Variants in IGLL5 observed in about 807,000 individuals in gnomAD.
The protein encoded by IGLL5 is immunoglobulin lambda-like polypeptide 5.
In IGLL5, 30 loss-of-function variants were observed where a neutral mutation model predicts 20.9. That is an observed-to-expected ratio of 1.44 (90% confidence interval 1.07 to 1.95). The LOEUF is 1.95. Ranked by LOEUF, IGLL5 falls within the 30% of genes most tolerant of loss-of-function variation. The probability of loss-of-function intolerance (pLI) is 0.00; values close to 1 mark genes in which losing one functional copy is unlikely to be tolerated. For missense variants in IGLL5, 475 were observed against 270.7 expected (o/e 1.75, Z -5.30); for synonymous variants, 203 against 117.3 (o/e 1.73, Z -4.72).
At chr22:22,888,906 C>G (rs1288276797) in intron 1 of IGLL5, among the ~76,000 whole-genome samples, 2 of 151,282 alleles carry the variant, frequency 1.3e-5, no homozygotes, top group South Asian at 2.1e-4. Context: ...TCTCACAGAT[C>G]GAGGGGCACT....
intron 1 of IGLL5, among the ~76,000 whole-genome samples, chr22:22,891,211 T>C (rs1261733369): frequency 6.6e-6 from 1 of 151,066 alleles, no homozygotes; most frequent in South Asian, 2.1e-4. Flanking sequence ...TCTGGTACTT[T>C]TGGTGTATTG....
At chr22:22,888,780 A>C (rs573577562) in intron 1 of IGLL5, among the ~76,000 whole-genome samples, 2 of 151,416 alleles carry the variant, frequency 1.3e-5, no homozygotes, top group Admixed American at 6.6e-5. Flanking sequence ...GCTCAAGGAC[A>C]CAGGGAGGGT....
intron 2 of IGLL5, among the ~76,000 whole-genome samples, chr22:22,894,097 G>C (rs2067981430): frequency 3.3e-5 from 5 of 151,468 alleles, no homozygotes; most frequent in South Asian, 2.1e-4. Flanking sequence ...GTCTGAGTGA[G>C]GGACAGAGGC....
intron 2 of IGLL5, 108 bp downstream of exon 2, chr22:22,893,926 C>CTGTTG: frequency 1.2e-6 from 1 of 813,368 alleles, no homozygotes. Context: ...GCCTTAAGCA[C>CTGTTG]TGACCCTTAC....
rs1420863974 is a variant in IGLL5 at position 22,888,949 on chromosome 22, A to G, written c.206+690A>G. Among the ~76,000 whole-genome samples the G allele has an allele frequency of 2.0e-5, 3 of 151,394 alleles. No individual in the cohort carries two copies. In the Admixed American group the frequency reaches 2.0e-4, roughly 10 times the overall value. The stretch of plus-strand genomic sequence containing the variant: ...GATGGGTGCCCCCAAAAGACAGAGC[A>G]GCGTCAGAGGAGAGGAGAGCACAGG... On this transcript the variant is annotated intron_variant, in intron 1 of 2. Transcript: ENST00000526893.
At chr22:22,888,949 A>T (rs1420863974) in intron 1 of IGLL5, among the ~76,000 whole-genome samples, 1 of 151,390 alleles carries the variant, frequency 6.6e-6, no homozygotes, top group Admixed American at 6.6e-5. Flanking sequence ...AAGACAGAGC[A>T]GCGTCAGAGG....
chr22:22,887,944 T>A lies in IGLL5; in HGVS notation c.-110T>A, dbSNP rs1200101016. On this transcript the variant is annotated 5_prime_UTR_variant, in exon 1 of 3. An upstream start codon of the reference 5' UTR is lost. Transcript: ENST00000526893. The stretch of plus-strand genomic sequence containing the variant: ...CAGTCCAGGGAGAGGACAGAGCCAA[T>A]GGACTGGGGTGTACTGTAACAGCCC... The A allele has an allele frequency of 4.6e-6, 4 of 864,330 alleles. No individual in the cohort carries two copies. The highest frequency in any genetic ancestry group is 4.0e-5 in the Admixed American group (2 of 49,740). The allele number at this position is 864,330 out of a possible 1,614,324, so 53.5% of individuals were successfully genotyped here.
chr22:22,890,102 C>T (rs543384168), intron 1 of IGLL5, among the ~76,000 whole-genome samples: 1 of 149,380 alleles, frequency 6.7e-6, no homozygotes, highest in African/African-American at 2.5e-5. Context: ...ATGTGCATTA[C>T]TCTTTTTGTA....
Position 22,887,947 on chromosome 22 carries a change from A to G in IGLL5, c.-107A>G, listed in dbSNP as rs2067554406. 4 of 870,592 alleles carry G rather than the reference A, an allele frequency of 4.6e-6. No homozygotes were observed. The Admixed American group carries it at 6.0e-5, about 13-fold the overall frequency. The allele number at this position is 870,592 out of a possible 1,614,324, so 53.9% of individuals were successfully genotyped here. ...TCCAGGGAGAGGACAGAGCCAATGGACTGGGGTGTACTGTAACAGCCCTGC... is the reference window on the plus strand; with the variant it reads ...TCCAGGGAGAGGACAGAGCCAATGGGCTGGGGTGTACTGTAACAGCCCTGC... On this transcript the variant is annotated 5_prime_UTR_variant, in exon 1 of 3. Coordinates refer to ENST00000526893, the MANE Select transcript of IGLL5 (RefSeq NM_001178126.2).
Position 22,894,482 on chromosome 22 carries a change from T to C in IGLL5, c.325+664T>C, listed in dbSNP as rs2068037340. On this transcript the variant is annotated intron_variant, in intron 2 of 2. Coordinates refer to ENST00000526893, the MANE Select transcript of IGLL5 (RefSeq NM_001178126.2). ...CAGTCACCAGAAAGGAGACAGTCTC[T>C]TAGGGCAGAGATGTGTCTGTCCCTG... Among the ~76,000 whole-genome samples the C allele has an allele frequency of 2.6e-5, 4 of 151,400 alleles. 1 individual carries two copies. Among genetic ancestry groups the C allele is most frequent in the Admixed American group, 1.3e-4 (2 of 15,142 alleles).
rs559856654 is a variant in IGLL5 at position 22,894,887 on chromosome 22, C to G, written c.326-488C>G. The stretch of plus-strand genomic sequence containing the variant: ...CGGTGCCTGTGAGGGATAGGAAGCT[C>G]CAGTTCAAAGCAGGCTTGGGTCTCC... On this transcript the variant is annotated intron_variant, in intron 2 of 2. Transcript: ENST00000526893. 2.9e-3 allele frequency among the ~76,000 whole-genome samples: 439 copies of G among 151,346 alleles called. 5 individuals carry two copies. The highest frequency in any genetic ancestry group is 9.0e-3 in the African/African-American group (372 of 41,290).
In IGLL5 at chr22:22,895,640, C is replaced by T; in HGVS notation, c.591C>T (p.Val197=). The part of the protein sequence containing the change: ...WKSHRSYSCQ[V]THEGSTVEKT... ...CCCACAGAAGCTACAGCTGCCAGGT[C>T]ACGCATGAAGGGAGCACCGTGGAGA... is the stretch of plus-strand genomic sequence containing the variant. The change falls in exon 3 of 3, where the codon GTC becomes GTT. Residue 197 remains valine, a synonymous_variant. Coordinates refer to ENST00000526893, the MANE Select transcript of IGLL5 (RefSeq NM_001178126.2). 2 of 1,613,328 alleles carry T rather than the reference C, an allele frequency of 1.2e-6. No individual in the cohort carries two copies. The highest frequency in any genetic ancestry group is 1.7e-6 in the Non-Finnish European group (2 of 1,179,772).
intron 1 of IGLL5, among the ~76,000 whole-genome samples, chr22:22,888,734 T>C (rs190414698): frequency 6.6e-5 from 10 of 151,354 alleles, no homozygotes; most frequent in East Asian, 6.1e-4. Flanking sequence ...AGGCTGTCTG[T>C]TCACCAACTT....
chr22:22,891,111 T>C (rs2067832804), intron 1 of IGLL5, among the ~76,000 whole-genome samples: 1 of 151,144 alleles, frequency 6.6e-6, no homozygotes, highest in African/African-American at 2.4e-5. Flanking sequence ...GTCGAACTGG[T>C]TTAATCTTTT....
chr22:22,894,341 A>C (rs531173651), intron 2 of IGLL5, among the ~76,000 whole-genome samples: 3 of 151,512 alleles, frequency 2.0e-5, no homozygotes, highest in East Asian at 2.0e-4. Context: ...TGGAGGGCAC[A>C]GAGAGGGCTC....
chr22:22,894,950 C>G (rs560420427), intron 2 of IGLL5, among the ~76,000 whole-genome samples: 1 of 151,418 alleles, frequency 6.6e-6, no homozygotes, highest in Non-Finnish European at 1.5e-5. Context: ...ACAGGATGAG[C>G]AGGGGACCCA....
chr22:22,889,149 A>T (rs145367531), intron 1 of IGLL5, among the ~76,000 whole-genome samples: 2 of 150,996 alleles, frequency 1.3e-5, no homozygotes, highest in African/African-American at 2.4e-5. Flanking sequence ...GCGACGCCCG[A>T]TTAGAGGAGG....
rs374765048 is a variant in IGLL5, at chr22:22,895,665, A to G, written c.616A>G (p.Lys206Glu). 1 of 1,613,218 alleles carries G rather than the reference A, an allele frequency of 6.2e-7. No individual in the cohort carries two copies. The highest frequency in any genetic ancestry group is 2.2e-5 in the East Asian group (1 of 44,686). The change falls in exon 3 of 3, where the codon AAG becomes GAG. Residue 206 changes from lysine (K) to glutamate (E), a missense_variant. Lys to Glu is a moderately conservative substitution (Grantham distance 56, BLOSUM62 1). Transcript: ENST00000526893. ...CACGCATGAAGGGAGCACCGTGGAG[A>G]AGACAGTGGCCCCTACAGAATGTTC... Reference protein sequence around the residue: ...QVTHEGSTVEKTVAPTECS With the variant: ...QVTHEGSTVEETVAPTECS
intron 2 of IGLL5, among the ~76,000 whole-genome samples, chr22:22,894,345 A>C (rs912670710): frequency 6.6e-6 from 1 of 151,404 alleles, no homozygotes; most frequent in Non-Finnish European, 1.5e-5. Flanking sequence ...GGGCACAGAG[A>C]GGGCTCTGGG....
Sources: allele counts gnomAD v4.1 joint callset (sites outside exome capture counted in the v4.1 genomes callset), GRCh38; gene constraint gnomAD v4.1.1; transcripts MANE v1.5; gene names NCBI Gene and HGNC (gene_info 2026-07-23, HGNC 2026-07-21).